LTF: variants seen among roughly 807,000 people sequenced by gnomAD.
LTF encodes the protein lactotransferrin.
A neutral mutation model predicts 87.2 loss-of-function variants in LTF; 91 were observed. The ratio of observed to expected loss-of-function variants is 1.04; its 90% CI spans 0.88 to 1.24. The LOEUF is 1.24. Among genes scored for constraint, LTF ranks in the 50% most tolerant of loss-of-function variants. The pLI is 0.00. For missense variants in LTF, 901 were observed against 904.3 expected, an observed-to-expected ratio of 1.00 and a Z score of 0.05; for synonymous variants, 378 against 356.1, an observed-to-expected ratio of 1.06 and a Z score of -0.69.
chr3:46,459,901 ACTC>A lies in LTF; in HGVS notation c.44-85_44-83del. 2.9e-6 allele frequency: 3 copies of A among 1,020,710 alleles called. No individual in the cohort carries two copies. In the South Asian group the frequency reaches 7.6e-5, roughly 26 times the overall value. The allele number at this position is 1,020,710 out of a possible 1,614,324, so 63.2% of individuals were successfully genotyped here. ...CGCACCCTCTGATGGAGTTTTCCAG[ACTC>A]CTCCCTCTCTCTCGGCTGCCCTCCT... On this transcript the variant is annotated intron_variant, in intron 1 of 16. Transcript: ENST00000231751.
At chr3:46,453,429 T>C (rs1021322370) in intron 6 of LTF, among the ~76,000 whole-genome samples, 1 of 152,022 alleles carries the variant, frequency 6.6e-6, no homozygotes, top group African/African-American at 2.4e-5. Flanking sequence ...TGGCCCTGGG[T>C]GCATGTGGAG....
chr3:46,463,876 G>A (rs570578551), intron 1 of LTF, among the ~76,000 whole-genome samples: 3 of 152,342 alleles, frequency 2.0e-5, no homozygotes, highest in East Asian at 3.9e-4. Context: ...GACCAGAAGG[G>A]CAGGGACAAG....
intron 9 of LTF, 142 bp downstream of exon 9, chr3:46,448,721 G>T (rs1235311356): frequency 2.2e-6 from 2 of 920,606 alleles, no homozygotes; most frequent in African/African-American, 1.7e-5. Flanking sequence ...ATGCTTTCTG[G>T]CCCTGAGCAC....
intron 5 of LTF, among the ~76,000 whole-genome samples, chr3:46,454,749 G>A (rs568462773): frequency 9.2e-5 from 14 of 152,244 alleles, no homozygotes; most frequent in African/African-American, 3.1e-4. Flanking sequence ...GCAAAAATAC[G>A]CTAGTGCCAG....
chr3:46,455,373 C>A lies in LTF; in HGVS notation c.569G>T (p.Arg190Leu). Reference protein sequence around the residue: ...ADKGQFPNLCRLCAGTGENKC... With the variant: ...ADKGQFPNLCLLCAGTGENKC... Reference sequence around the variant, plus strand: ...GTTTTCCCCTGTCCCCGCACACAGGCGACACAGGTTGGGGAACTGTCCTTT... The same window carrying A: ...GTTTTCCCCTGTCCCCGCACACAGGAGACACAGGTTGGGGAACTGTCCTTT... Residue 190 changes from arginine to leucine, a missense_variant, in exon 5 of 17, where the codon CGC becomes CTC. Physicochemically the swap from Arg to Leu is moderately radical, Grantham distance 102 (BLOSUM62 -2). Coordinates refer to ENST00000231751, the MANE Select transcript of LTF (RefSeq NM_002343.6). 2 of 1,614,200 alleles carry A rather than the reference C, an allele frequency of 1.2e-6. No homozygotes were observed. Among genetic ancestry groups the A allele is most frequent in the Non-Finnish European group, 1.7e-6 (2 of 1,180,022 alleles).
intron 1 of LTF, chr3:46,463,436 C>A: frequency 1.0e-6 from 1 of 984,978 alleles, no homozygotes; most frequent in Non-Finnish European, 1.2e-6. Flanking sequence ...CCAGCTGGCC[C>A]CACTCACCCA....
At position 46,464,674 on chromosome 3, in the gene LTF, C is replaced by T. The variant is rs1427055885; in HGVS notation, c.43+151G>A. Reference sequence around the variant, plus strand: ...CCATGTGGGAAAGAGACTGGCCCCGCGTCCGGGCCGCCTCCCGGCTGTAGG... The same window carrying T: ...CCATGTGGGAAAGAGACTGGCCCCGTGTCCGGGCCGCCTCCCGGCTGTAGG... On this transcript the variant is annotated intron_variant, in intron 1 of 16. Transcript: ENST00000231751. 4 of 756,632 alleles carry T rather than the reference C, an allele frequency of 5.3e-6. No individual in the cohort carries two copies. The East Asian group carries it at 7.9e-5, about 15-fold the overall frequency. The allele number at this position is 756,632 out of a possible 1,614,324, so 46.9% of individuals were successfully genotyped here. A position where few individuals can be genotyped will look rare whatever the true frequency, so the allele number is the denominator to read the frequency against.
intron 1 of LTF, among the ~76,000 whole-genome samples, chr3:46,482,700 GAAGGAAAGAAAGAAAGAGAAAGA>G (rs1703462231): frequency 8.4e-6 from 1 of 119,438 alleles, no homozygotes; most frequent in African/African-American, 3.5e-5. Flanking sequence ...AGGAAGGAAG[GAAGGAAAGAAAGAAAGAGAAAGA>G]AAGGAAGGAA....
intron 1 of LTF, among the ~76,000 whole-genome samples, chr3:46,481,079 T>C (rs1278601790): frequency 6.6e-6 from 1 of 152,078 alleles, no homozygotes; most frequent in Non-Finnish European, 1.5e-5. Context: ...GCATGATGTC[T>C]CTCCTTGGCC....
At chr3:46,465,195 C>G, upstream of LTF, 1 of 420,544 alleles carries the variant, frequency 2.4e-6, no homozygotes, top group Non-Finnish European at 4.3e-6. Context: ...CAGCTCTGGT[C>G]TCAGTGCCTT....
At chr3:46,449,688 T>C (rs1484594171) in intron 8 of LTF, among the ~76,000 whole-genome samples, 166 bp downstream of exon 8, 1 of 152,226 alleles carries the variant, frequency 6.6e-6, no homozygotes, top group Non-Finnish European at 1.5e-5. Context: ...ACTATTCTTT[T>C]AGAGACACCT....
chr3:46,470,006 C>G (rs1703263034), intron 2 of LTF, among the ~76,000 whole-genome samples: 1 of 152,210 alleles, frequency 6.6e-6, no homozygotes, highest in Non-Finnish European at 1.5e-5. Flanking sequence ...CCTCTGCCCT[C>G]TGGCCCTCTC....
At chr3:46,437,617 G>C (rs7621641) in intron 16 of LTF, among the ~76,000 whole-genome samples, 127,676 of 152,166 alleles carry the variant, frequency 0.84, 54,148 homozygotes, top group East Asian at 1. Flanking sequence ...GCCATCACAC[G>C]TGGCTGGTTT....
chr3:46,457,331 T>C (rs185219179), intron 2 of LTF, among the ~76,000 whole-genome samples: 1 of 152,004 alleles, frequency 6.6e-6, no homozygotes, highest in South Asian at 2.1e-4. Context: ...GTGTATTGAA[T>C]AATTTCCCCC....
rs71619650 is a variant in LTF, at chr3:46,482,601, GA to G, written c.-320+2384del. 6.4e-4 allele frequency among the ~76,000 whole-genome samples: 86 copies of G among 133,700 alleles called. 6 individuals are homozygous for G. Among genetic ancestry groups the G allele is most frequent in the East Asian group, 2.0e-3 (9 of 4,444 alleles). 87.7% of individuals were successfully genotyped at this position (133,700 alleles called of 152,430 possible). On this transcript the variant is annotated intron_variant, in intron 1 of 19. Transcript: ENST00000443496. The stretch of plus-strand genomic sequence containing the variant: ...AAAGGAAGGGAGAAAGAGAGAGAAA[GA>G]AAGAAAGAAGAAAGAAAGAAAGAAA...
chr3:46,463,412 C>T (rs1022573861), intron 1 of LTF: 7 of 967,148 alleles, frequency 7.2e-6, no homozygotes, highest in Non-Finnish European at 8.6e-6. Context: ...ACCCAATGCT[C>T]ACACGGCTTA....
chr3:46,475,113 C>G (rs1356933990), intron 1 of LTF, among the ~76,000 whole-genome samples: 3 of 152,006 alleles, frequency 2.0e-5, no homozygotes, highest in East Asian at 1.9e-4. Flanking sequence ...CACAACAGAT[C>G]CTAAAGACAA....
At chr3:46,470,850 A>G (rs1355671111) in intron 1 of LTF, among the ~76,000 whole-genome samples, 1 of 152,218 alleles carries the variant, frequency 6.6e-6, no homozygotes, top group Non-Finnish European at 1.5e-5. Flanking sequence ...AAGAGACACA[A>G]ATAATATCCA....
chr3:46,461,295 TC>T (rs1333673217), intron 1 of LTF, among the ~76,000 whole-genome samples: 1 of 152,236 alleles, frequency 6.6e-6, no homozygotes, highest in African/African-American at 2.4e-5. Context: ...CAATTGCACT[TC>T]TAGGCATATA....
Sources: gnomAD v4.1 joint callset for allele counts (sites outside exome capture counted in the v4.1 genomes callset) on GRCh38, gnomAD v4.1.1 for gene constraint, MANE v1.5 for transcripts, NCBI Gene and HGNC (gene_info 2026-07-23, HGNC 2026-07-21) for gene names.